Variants in CTNNA2 observed in about 807,000 individuals in gnomAD.
The protein encoded by CTNNA2 is catenin alpha-2.
In CTNNA2, 42 loss-of-function variants were observed where a neutral mutation model predicts 101.0. That is an observed-to-expected ratio of 0.42 (90% CI 0.32 to 0.54). The LOEUF (loss-of-function observed/expected upper bound fraction) is 0.54, where lower values mean the gene tolerates loss of function less well. Ranked by LOEUF, CTNNA2 falls within the 20% of genes least tolerant of loss-of-function variation. CTNNA2 has a pLI of 0.14. For missense variants in CTNNA2, 871 were observed against 1,223.1 expected (o/e 0.71, Z 4.29); for synonymous variants, 450 against 456.4 (o/e 0.99, Z 0.18).
chr2:79,187,867 T>C (rs987419137), intron 1 of CTNNA2, among the ~76,000 whole-genome samples: 1 of 152,160 alleles, frequency 6.6e-6, no homozygotes, highest in Non-Finnish European at 1.5e-5. Flanking sequence ...TGTTTAAATA[T>C]CAGGATATAC....
chr2:79,244,467 G>A (rs948114046), intron 2 of CTNNA2, among the ~76,000 whole-genome samples: 2 of 152,096 alleles, frequency 1.3e-5, no homozygotes, highest in African/African-American at 2.4e-5. Context: ...TTTGTTTGGC[G>A]AGTTTTGTTG....
intron 3 of CTNNA2, among the ~76,000 whole-genome samples, chr2:79,324,244 C>T (rs768069692): frequency 1.3e-5 from 2 of 152,188 alleles, no homozygotes; most frequent in Non-Finnish European, 2.9e-5. Flanking sequence ...GGGGCACCCA[C>T]CTGGAGGCAG....
chr2:79,491,438 A>G (rs1045868588), intron 4 of CTNNA2, among the ~76,000 whole-genome samples: 1 of 152,200 alleles, frequency 6.6e-6, no homozygotes. Context: ...AGATTTAAAT[A>G]GCCAAAGTTA....
chr2:79,251,480 C>T (rs1674770156), intron 2 of CTNNA2, among the ~76,000 whole-genome samples: 1 of 152,150 alleles, frequency 6.6e-6, no homozygotes, highest in South Asian at 2.1e-4. Context: ...GGGCTGGATT[C>T]AGTAACTCAC....
At chr2:79,409,892 A>C (rs1678388339) in intron 4 of CTNNA2, among the ~76,000 whole-genome samples, 1 of 152,066 alleles carries the variant, frequency 6.6e-6, no homozygotes, top group African/African-American at 2.4e-5. Context: ...TACCTTGGGC[A>C]GTATGGCCAT....
At chr2:80,057,924 A>G (rs964477160) in intron 7 of CTNNA2, among the ~76,000 whole-genome samples, 1 of 152,232 alleles carries the variant, frequency 6.6e-6, no homozygotes, top group African/African-American at 2.4e-5. Flanking sequence ...AAAGAAATAA[A>G]AGGAAACAAT....
intron 7 of CTNNA2, among the ~76,000 whole-genome samples, chr2:80,329,674 C>A (rs1018976782): frequency 2.6e-5 from 4 of 152,146 alleles, no homozygotes; most frequent in Non-Finnish European, 5.9e-5. Flanking sequence ...CTCCTGAGAG[C>A]TTTTCTTTGT....
chr2:80,462,371 C>A, intron 9 of CTNNA2, among the ~76,000 whole-genome samples: 1 of 152,118 alleles, frequency 6.6e-6, no homozygotes, highest in East Asian at 1.9e-4. Context: ...TTGAAAGCAG[C>A]AAATAGAGTC....
At chr2:80,566,497 A>G (rs913664924) in intron 12 of CTNNA2, among the ~76,000 whole-genome samples, 2 of 152,186 alleles carry the variant, frequency 1.3e-5, no homozygotes, top group African/African-American at 4.8e-5. Context: ...TAACTGGATA[A>G]AACAGTCCTA....
chr2:80,555,381 C>G (rs1692943008), intron 11 of CTNNA2, among the ~76,000 whole-genome samples: 1 of 152,144 alleles, frequency 6.6e-6, no homozygotes, highest in African/African-American at 2.4e-5. Flanking sequence ...TGTCTTCAAA[C>G]CAGTGGCATT....
chr2:79,255,066 A>C (rs931151523), intron 2 of CTNNA2, among the ~76,000 whole-genome samples: 1 of 152,172 alleles, frequency 6.6e-6, no homozygotes, highest in Non-Finnish European at 1.5e-5. Context: ...TAAACTTCCC[A>C]AGTGATTTAA....
chr2:79,833,698 A>G (rs1338780944), intron 3 of CTNNA2, among the ~76,000 whole-genome samples: 2 of 152,218 alleles, frequency 1.3e-5, no homozygotes, highest in Non-Finnish European at 2.9e-5. Flanking sequence ...GAACCAGTAA[A>G]ACAAGACAAA....
chr2:80,379,943 C>A (rs1269050174), intron 7 of CTNNA2, among the ~76,000 whole-genome samples: 1 of 151,934 alleles, frequency 6.6e-6, no homozygotes, highest in Non-Finnish European at 1.5e-5. Context: ...CACTATTTAA[C>A]CAGCAGCAGC....
rs61186189 is a variant in CTNNA2, at chr2:80,547,690, C to CTTTTTTTTTTTTTTTTTTTTTTTTTTTT, written c.1540+1643_1540+1644insTTTTTTTTTTTTTTTTTTTTTTTTTTTT. ...AGAACTCAATATATTGTCACTTCTG[C>CTTTTTTTTTTTTTTTTTTTTTTTTTTTT]TTTTTTTTTTTTTTTTGAGATGGAG... On this transcript the variant is annotated intron_variant, in intron 11 of 18. Transcript: ENST00000402739. Among the ~76,000 whole-genome samples, 8 of 124,310 alleles carry CTTTTTTTTTTTTTTTTTTTTTTTTTTTT rather than the reference C, an allele frequency of 6.4e-5. 3 individuals are homozygous for CTTTTTTTTTTTTTTTTTTTTTTTTTTTT. The highest frequency in any genetic ancestry group is 6.8e-5 in the African/African-American group (2 of 29,374). 81.6% of individuals were successfully genotyped at this position (124,310 alleles called of 152,430 possible). A position where few individuals can be genotyped will look rare whatever the true frequency, so the allele number is the denominator to read the frequency against.
chr2:79,631,210 C>T (rs1679671010), intron 1 of CTNNA2, among the ~76,000 whole-genome samples: 1 of 152,144 alleles, frequency 6.6e-6, no homozygotes, highest in African/African-American at 2.4e-5. Context: ...TATGTGGTAA[C>T]TCTTGATTTT....
rs1301804400 is a variant in CTNNA2, at chr2:79,744,460, T to C, written c.176T>C (p.Val59Ala). ...AAAGGGAGGTCAAAGAAAGCCCATGTACTAGCTGCCTCTGTAGAGCAAGCC... is the reference window on the plus strand; with the variant it reads ...AAAGGGAGGTCAAAGAAAGCCCATGCACTAGCTGCCTCTGTAGAGCAAGCC... ...KKKGRSKKAH[V>A]LAASVEQATQ... Residue 59 changes from valine (V) to alanine (A), a missense_variant, in exon 3 of 19, where the codon GTA becomes GCA. Transcript: ENST00000402739. 6.2e-7 allele frequency: 1 copy of C among 1,614,146 alleles called. No individual in the cohort carries two copies. The highest frequency in any genetic ancestry group is 1.7e-5 in the Admixed American group (1 of 60,026).
At chr2:79,343,652 T>G (rs1677188245) in intron 3 of CTNNA2, among the ~76,000 whole-genome samples, 1 of 152,118 alleles carries the variant, frequency 6.6e-6, no homozygotes, top group Non-Finnish European at 1.5e-5. Context: ...ATCTCAGGGA[T>G]TTGGATTGCA....
At chr2:79,755,143 A>G (rs1451799195) in intron 3 of CTNNA2, among the ~76,000 whole-genome samples, 1 of 152,070 alleles carries the variant, frequency 6.6e-6, no homozygotes, top group Non-Finnish European at 1.5e-5. Context: ...TGGGCAAGAT[A>G]GCAAGACCCC....
At chr2:80,345,326 G>A (rs1028801180) in intron 7 of CTNNA2, among the ~76,000 whole-genome samples, 3 of 152,108 alleles carry the variant, frequency 2.0e-5, no homozygotes, top group African/African-American at 7.2e-5. Flanking sequence ...ACATCTGCAG[G>A]TCCTTCTGTC....
Sources: gnomAD v4.1 joint callset for allele counts (sites outside exome capture counted in the v4.1 genomes callset) on GRCh38, gnomAD v4.1.1 for gene constraint, MANE v1.5 for transcripts, NCBI Gene and HGNC (gene_info 2026-07-23, HGNC 2026-07-21) for gene names.